Variants in PRKDC observed in about 807,000 individuals in gnomAD.
The protein encoded by PRKDC is DNA-dependent protein kinase catalytic subunit.
A neutral mutation model predicts 486.9 loss-of-function variants in PRKDC; 82 were observed. The ratio of observed to expected loss-of-function variants is 0.17; its 90% CI spans 0.14 to 0.20. The LOEUF is 0.20. Ranked by LOEUF, PRKDC falls within the 10% of genes least tolerant of loss-of-function variation. The probability of loss-of-function intolerance (pLI) is 1.00; values close to 1 mark genes in which losing one functional copy is unlikely to be tolerated. For missense variants in PRKDC, 4,504 were observed against 5,038.2 expected, an observed-to-expected ratio of 0.89 and a Z score of 3.21; for synonymous variants, 1,895 against 1,837.0, an observed-to-expected ratio of 1.03 and a Z score of -0.81.
chr8:47,890,513 G>T, intron 31 of PRKDC, 33 bp from the exon 32 acceptor site: 2 of 1,409,576 alleles, frequency 1.4e-6, no homozygotes, highest in Non-Finnish European at 1.9e-6. Context: ...ATTAATATAT[G>T]CTTCCTTTCA....
At chr8:47,867,223 T>C (rs2088838685) in intron 40 of PRKDC, among the ~76,000 whole-genome samples, 1 of 152,040 alleles carries the variant, frequency 6.6e-6, no homozygotes, top group Non-Finnish European at 1.5e-5. Flanking sequence ...GTGGAAGAGA[T>C]AGGAAGGTGA....
intron 10 of PRKDC, among the ~76,000 whole-genome samples, chr8:47,940,190 A>C (rs1214302961): frequency 1.3e-5 from 2 of 152,212 alleles, no homozygotes; most frequent in Non-Finnish European, 2.9e-5. Flanking sequence ...AGAGTTCAGA[A>C]CAATCAGAAA....
chr8:47,901,332 T>G (rs1245702109), intron 27 of PRKDC, among the ~76,000 whole-genome samples: 1 of 151,512 alleles, frequency 6.6e-6, no homozygotes, highest in East Asian at 1.9e-4. Flanking sequence ...AAATTAGCCA[T>G]GCGTAGTGGC....
intron 27 of PRKDC, among the ~76,000 whole-genome samples, chr8:47,901,145 T>A (rs2089674409): frequency 7.2e-6 from 1 of 139,318 alleles, no homozygotes; most frequent in Admixed American, 7.1e-5. Context: ...CAAGACCCTG[T>A]CTCAGACGAA....
At chr8:47,910,266 A>G (rs563669726) in intron 25 of PRKDC, among the ~76,000 whole-genome samples, 9 of 152,222 alleles carry the variant, frequency 5.9e-5, no homozygotes, top group Non-Finnish European at 1.3e-4. Flanking sequence ...CCCCTGGTCA[A>G]TAAGTATTTG....
intron 57 of PRKDC, 67 bp downstream of exon 57, chr8:47,837,145 A>T (rs1392804555): frequency 1.4e-6 from 2 of 1,423,540 alleles, no homozygotes; most frequent in Non-Finnish European, 9.7e-7. Flanking sequence ...AGTCAAAGCT[A>T]TTAAAAATGT....
chr8:47,932,479 A>G (rs183976072), intron 16 of PRKDC, among the ~76,000 whole-genome samples: 23 of 152,276 alleles, frequency 1.5e-4, no homozygotes, highest in African/African-American at 5.1e-4. Context: ...GGCCTCCCAA[A>G]GTCCTGGGAT....
At chr8:47,957,067 A>C in intron 3 of PRKDC, 104 bp downstream of exon 3, 1 of 752,398 alleles carries the variant, frequency 1.3e-6, no homozygotes, top group Non-Finnish European at 2.0e-6. Flanking sequence ...CCCAATGAGA[A>C]AGGAAAATGT....
intron 11 of PRKDC, among the ~76,000 whole-genome samples, chr8:47,936,852 C>T (rs889183771): frequency 2.7e-5 from 4 of 150,164 alleles, no homozygotes; most frequent in African/African-American, 7.3e-5. Context: ...CTCAAACTCC[C>T]GACCTCAGGT....
At chr8:47,887,109 C>CATGT (rs1389848140) in intron 35 of PRKDC, among the ~76,000 whole-genome samples, 1 of 152,160 alleles carries the variant, frequency 6.6e-6, no homozygotes, top group Non-Finnish European at 1.5e-5. Context: ...ATTTCAGCTA[C>CATGT]AGCAGGGACT....
intron 27 of PRKDC, among the ~76,000 whole-genome samples, chr8:47,902,047 T>A (rs2089694191): frequency 6.6e-6 from 1 of 152,150 alleles, no homozygotes; most frequent in South Asian, 2.1e-4. Context: ...CCTCTGTCAC[T>A]AGCGGTGACC....
chr8:47,804,938 T>C (rs563144969), intron 69 of PRKDC: 1 of 152,326 alleles, frequency 6.6e-6, no homozygotes, highest in Non-Finnish European at 1.5e-5. Context: ...ATTTTTGTAT[T>C]TTTAGTAGAG....
chr8:47,930,125 GT>G, intron 17 of PRKDC, 113 bp from the exon 18 acceptor site: 5 of 902,642 alleles, frequency 5.5e-6, no homozygotes, highest in Non-Finnish European at 8.3e-6. Flanking sequence ...ACATTTTGAG[GT>G]ATCCTAAAAT....
chr8:47,800,619 AAAAT>A (rs951513564), intron 71 of PRKDC, among the ~76,000 whole-genome samples, 170 bp downstream of exon 71: 20 of 152,224 alleles, frequency 1.3e-4, no homozygotes, highest in Non-Finnish European at 2.2e-4. Context: ...AATAATTTAG[AAAAT>A]AAATAAATAA....
Position 47,936,469 on chromosome 8 carries a change from G to A in PRKDC, c.1162C>T (p.Leu388Phe). The A allele has an allele frequency of 6.2e-7, 1 of 1,613,992 alleles. No homozygotes were observed. The highest frequency in any genetic ancestry group is 8.5e-7 in the Non-Finnish European group (1 of 1,179,894). The change falls in exon 12 of 86, where the codon CTC (leucine) becomes TTC (phenylalanine). Residue 388 changes from leucine to phenylalanine, a missense_variant. Leu to Phe is a conservative substitution (Grantham distance 22). Around this residue, in one of 6 missense-constraint regions of PRKDC, gnomAD observed 1,969 missense variants for 2,068.9 expected, o/e 0.95. Coordinates refer to ENST00000314191, the MANE Select transcript of PRKDC (RefSeq NM_006904.7). ...AKDVDFMYVE[L>F]IQRCKQMFLT... Reference sequence around the variant, plus strand: ...AACATCTGCTTGCAGCGCTGAATGAGCTCAACGTACATGAAGTCAACATCT... The same window carrying A: ...AACATCTGCTTGCAGCGCTGAATGAACTCAACGTACATGAAGTCAACATCT...
intron 74 of PRKDC, 113 bp from the exon 75 acceptor site, chr8:47,789,351 A>G (rs1563735183): frequency 1.7e-5 from 5 of 288,850 alleles, no homozygotes; most frequent in Admixed American, 5.5e-5. Flanking sequence ...AAAATAATGT[A>G]TGTTATATAT....
In PRKDC at chr8:47,858,593, G is replaced by A; in HGVS notation, c.6388C>T (p.His2130Tyr). The stretch of plus-strand genomic sequence containing the variant: ...ACTATTGGATTTCCCAGTTTGCCAT[G>A]GAGGAATTTCATCCAAGAAGGAAGA... ...RDLPSWMKFL[H>Y]GKLGNPIVPL... The change falls in exon 48 of 86, where the codon CAT (histidine) becomes TAT (tyrosine). Residue 2130 changes from histidine to tyrosine, a missense_variant. His to Tyr is a moderately conservative substitution (Grantham distance 83, BLOSUM62 2). Coordinates refer to ENST00000314191, the MANE Select transcript of PRKDC (RefSeq NM_006904.7). The A allele has an allele frequency of 6.4e-7, 1 of 1,557,988 alleles. No homozygotes were observed. The highest frequency in any genetic ancestry group is 8.7e-7 in the Non-Finnish European group (1 of 1,153,224).
intron 40 of PRKDC, 58 bp downstream of exon 40, chr8:47,877,666 A>G (rs2089117491): frequency 7.1e-7 from 1 of 1,411,528 alleles, no homozygotes; most frequent in African/African-American, 1.5e-5. Flanking sequence ...AGAGAGGATA[A>G]TTTCCCACAA....
chr8:47,838,402 A>C (rs769772937), intron 56 of PRKDC, among the ~76,000 whole-genome samples: 4 of 152,230 alleles, frequency 2.6e-5, no homozygotes, highest in Non-Finnish European at 5.9e-5. Flanking sequence ...GATTGAGGCC[A>C]GGCATTGAAG....
Sources: allele counts gnomAD v4.1 joint callset (sites outside exome capture counted in the v4.1 genomes callset), GRCh38; gene constraint gnomAD v4.1.1; regional missense constraint gnomAD v4.1.1; transcripts MANE v1.5; gene names NCBI Gene and HGNC (gene_info 2026-07-23, HGNC 2026-07-21).